The following TVP23C variants were observed in gnomAD, a reference collection of about 807,000 sequenced individuals.
TVP23C encodes the protein Golgi apparatus membrane protein TVP23 homolog C.
Under a neutral mutation model 28.7 loss-of-function variants are expected in TVP23C, and 19 were observed. That is an observed-to-expected ratio of 0.66 (90% CI 0.46 to 0.97). The LOEUF is 0.97. Ranked by LOEUF, TVP23C falls within the 50% of genes least tolerant of loss-of-function variation. The probability of loss-of-function intolerance (pLI) is 0.00; values close to 1 mark genes in which losing one functional copy is unlikely to be tolerated. For missense variants in TVP23C, 186 were observed against 241.3 expected, an observed-to-expected ratio of 0.77 and a Z score of 1.52; for synonymous variants, 68 against 81.7, an observed-to-expected ratio of 0.83 and a Z score of 0.90.
chr17:15,528,530 G>A (rs992373969), intron 5 of TVP23C, among the ~76,000 whole-genome samples: 3 of 152,154 alleles, frequency 2.0e-5, no homozygotes, highest in African/African-American at 4.8e-5. Context: ...ATAGTCTATC[G>A]TGGAGAATGT....
chr17:15,506,335 C>T (rs1027885812), intron 5 of TVP23C, among the ~76,000 whole-genome samples: 10 of 152,290 alleles, frequency 6.6e-5, no homozygotes, highest in African/African-American at 2.4e-4. Flanking sequence ...CACCAATCAG[C>T]ACCCTGTGTC....
rs949424455 is a variant in TVP23C at position 15,505,993 on chromosome 17, G to A, written c.463-2761C>T. Among the ~76,000 whole-genome samples, 73 of 152,332 alleles carry A rather than the reference G, an allele frequency of 4.8e-4. 1 individual carries two copies. Among genetic ancestry groups the A allele is most frequent in the South Asian group, 1.2e-3 (6 of 4,832 alleles). On this transcript the variant is annotated intron_variant, in intron 5 of 5. Coordinates refer to the TVP23C transcript ENST00000225576. Reference sequence around the variant, plus strand: ...CCACCCGCTCCATGGGCTCCTGTGCGGCCCAAGCCTCCCCGACGAGCGCCA... The same window carrying A: ...CCACCCGCTCCATGGGCTCCTGTGCAGCCCAAGCCTCCCCGACGAGCGCCA...
intron 3 of TVP23C, among the ~76,000 whole-genome samples, chr17:15,548,882 A>G (rs138695314): frequency 0.017 from 2,611 of 152,320 alleles, 75 homozygotes; most frequent in African/African-American, 0.059. Context: ...AAATAAAAAT[A>G]GAACAATTAT....
At chr17:15,551,395 C>G (rs1316431601) in intron 3 of TVP23C, among the ~76,000 whole-genome samples, 7 of 151,974 alleles carry the variant, frequency 4.6e-5, no homozygotes, top group Admixed American at 4.6e-4. Context: ...CATGAGCCAC[C>G]GCGCCCAGCC....
chr17:15,511,307 A>C (rs1198070890), intron 5 of TVP23C, among the ~76,000 whole-genome samples: 1 of 152,180 alleles, frequency 6.6e-6, no homozygotes, highest in Admixed American at 6.6e-5. Context: ...CAGAAGTGAA[A>C]GTGCTCAGTG....
At chr17:15,546,564 G>A (rs1413967541) in intron 4 of TVP23C, among the ~76,000 whole-genome samples, 1 of 150,232 alleles carries the variant, frequency 6.7e-6, no homozygotes, top group Non-Finnish European at 1.5e-5. Flanking sequence ...AGTGTAGCAG[G>A]CTAACCCAAA....
intron 5 of TVP23C, among the ~76,000 whole-genome samples, chr17:15,525,026 G>A (rs2150838405): frequency 6.6e-6 from 1 of 152,376 alleles, no homozygotes; most frequent in Admixed American, 6.5e-5. Context: ...GGAATGAGGT[G>A]TCTCTGTCTC....
Position 15,514,923 on chromosome 17 carries a change from G to A in TVP23C, c.463-11691C>T, listed in dbSNP as rs149100190. On this transcript the variant is annotated intron_variant, in intron 5 of 5. Transcript: ENST00000225576. The stretch of plus-strand genomic sequence containing the variant: ...TGCACATGGCTGTGGCAAACACCAT[G>A]AGTGTGCCACCCAGATCCCCGCGGA... 3.7e-3 allele frequency among the ~76,000 whole-genome samples: 565 copies of A among 152,300 alleles called. 2 individuals carry two copies. Among genetic ancestry groups the A allele is most frequent in the Non-Finnish European group, 6.4e-3 (435 of 68,016 alleles).
At chr17:15,552,466 G>A (rs1281937265) in intron 3 of TVP23C, among the ~76,000 whole-genome samples, 3 of 152,186 alleles carry the variant, frequency 2.0e-5, no homozygotes, top group African/African-American at 7.2e-5. Context: ...CAGATCACTT[G>A]ACGTCAGAAG....
exon 6 of TVP23C, chr17:15,502,837 G>A (rs753298651): frequency 2.0e-6 from 3 of 1,537,986 alleles, no homozygotes; most frequent in Non-Finnish European, 2.6e-6. Context: ...TCTCTCCTGC[G>A]AGGAGCTTCA....
intron 1 of TVP23C, among the ~76,000 whole-genome samples, chr17:15,559,314 A>T (rs1467734517): frequency 7.5e-5 from 4 of 53,178 alleles, no homozygotes; most frequent in East Asian, 1.0e-3. Flanking sequence ...GTACAGATTT[A>T]AAAAAAAAAA....
intron 5 of TVP23C, chr17:15,507,363 T>TA (rs1287175220): frequency 1.1e-5 from 8 of 709,430 alleles, no homozygotes; most frequent in Non-Finnish European, 2.1e-5. Context: ...AAGTTTCACT[T>TA]ACGCTTTATC....
chr17:15,524,713 G>C (rs1014354909), intron 5 of TVP23C, among the ~76,000 whole-genome samples: 1 of 132,964 alleles, frequency 7.5e-6, no homozygotes, highest in African/African-American at 3.1e-5. Flanking sequence ...CCAGAGGGAT[G>C]CACACAGTGG....
rs1163117226 is a variant in TVP23C, at chr17:15,537,334, A to T, written c.*3078T>A. On this transcript the variant is annotated 3_prime_UTR_variant, in exon 6 of 6. Coordinates refer to ENST00000518321, the MANE Select transcript of TVP23C (RefSeq NM_001135036.2). ...TAGGCATTTATTATGCCAAGTATGT[A>T]AATTATTATTCTCATTATGACATGA... 1.1e-6 allele frequency: 1 copy of T among 915,844 alleles called. No homozygotes were observed. Among genetic ancestry groups the T allele is most frequent in the African/African-American group, 1.8e-5 (1 of 55,480 alleles). 56.7% of individuals were successfully genotyped at this position (915,844 alleles called of 1,614,324 possible).
chr17:15,512,693 A>G (rs1338073493), intron 5 of TVP23C, among the ~76,000 whole-genome samples: 1 of 152,220 alleles, frequency 6.6e-6, no homozygotes, highest in Non-Finnish European at 1.5e-5. Context: ...CCGATAGAAG[A>G]TCATTGATAC....
chr17:15,532,463 C>T (rs1982987222), downstream of TVP23C, among the ~76,000 whole-genome samples: 1 of 152,162 alleles, frequency 6.6e-6, no homozygotes, highest in Non-Finnish European at 1.5e-5. Context: ...TACTGGTTGT[C>T]ACAGCTACTG....
chr17:15,531,262 T>C (rs1391171985), intron 5 of TVP23C, among the ~76,000 whole-genome samples: 1 of 152,130 alleles, frequency 6.6e-6, no homozygotes, highest in African/African-American at 2.4e-5. Context: ...GACAGCTTGA[T>C]TGTAATGTGT....
In TVP23C at chr17:15,558,252, T is replaced by C. The variant is rs1023701477; in HGVS notation, c.13-2888A>G. On this transcript the variant is annotated intron_variant, in intron 1 of 5. Transcript: ENST00000518321. ...AGGGAGACTTTTTCACATCAAATCC[T>C]ATCATTCCCCTACTGAAACCTCTCA... 9.0e-5 allele frequency among the ~76,000 whole-genome samples: 13 copies of C among 143,684 alleles called. 2 individuals carry two copies. The highest frequency in any genetic ancestry group is 1.4e-4 in the Non-Finnish European group (9 of 64,416). 94.3% of individuals were successfully genotyped at this position (143,684 alleles called of 152,430 possible).
At chr17:15,541,352 G>A (rs1196112558) in intron 5 of TVP23C, among the ~76,000 whole-genome samples, 1 of 152,180 alleles carries the variant, frequency 6.6e-6, no homozygotes, top group Non-Finnish European at 1.5e-5. Flanking sequence ...AGACCATACG[G>A]TCTCTGTTGC....
Sources: gnomAD v4.1 joint callset for allele counts (sites outside exome capture counted in the v4.1 genomes callset) on GRCh38, gnomAD v4.1.1 for gene constraint, MANE v1.5 for transcripts, NCBI Gene and HGNC (gene_info 2026-07-23, HGNC 2026-07-21) for gene names.